The following SGCZ variants were observed in gnomAD, a reference collection of about 807,000 sequenced individuals.
SGCZ encodes sarcoglycan zeta.
SGCZ carries 40 observed loss-of-function variants against 41.3 expected under a neutral mutation model. That is an observed-to-expected ratio of 0.97 (90% confidence interval 0.75 to 1.26). The LOEUF (loss-of-function observed/expected upper bound fraction) is 1.26. SGCZ is among the 50% of genes most tolerant of loss of function. The probability of loss-of-function intolerance (pLI) is 0.00; values close to 1 mark genes in which losing one functional copy is unlikely to be tolerated. For missense variants in SGCZ, 552 were observed against 369.8 expected (o/e 1.49, Z -4.04); for synonymous variants, 206 against 137.5 (o/e 1.50, Z -3.49).
chr8:14,394,344 T>G (rs535728159), intron 2 of SGCZ, among the ~76,000 whole-genome samples: 1 of 151,944 alleles, frequency 6.6e-6, no homozygotes, highest in Non-Finnish European at 1.5e-5. Flanking sequence ...AGAGACTGGG[T>G]TTCACCATGT....
In SGCZ at chr8:14,427,489, G is replaced by C. The variant is rs1585496587; in HGVS notation, c.235-103285C>G. ...TTATCTTTCTCCCGGTATATTTTAG[G>C]GGGGTTCCCACTCCCCACTCGTTGC... is the stretch of plus-strand genomic sequence containing the variant. On this transcript the variant is annotated intron_variant, in intron 2 of 7. Coordinates refer to ENST00000382080, the MANE Select transcript of SGCZ (RefSeq NM_139167.4). Among the ~76,000 whole-genome samples the C allele has an allele frequency of 2.0e-5, 3 of 151,798 alleles. No individual in the cohort carries two copies. The South Asian group carries it at 6.3e-4, about 32-fold the overall frequency.
chr8:14,817,455 A>G (rs1292975300), intron 1 of SGCZ, among the ~76,000 whole-genome samples: 5 of 152,102 alleles, frequency 3.3e-5, no homozygotes, highest in African/African-American at 1.2e-4. Flanking sequence ...AGGAGCCCTT[A>G]CCCTTGCAAC....
chr8:14,443,083 C>T (rs1165937742), intron 2 of SGCZ, among the ~76,000 whole-genome samples: 2 of 152,070 alleles, frequency 1.3e-5, no homozygotes, highest in Admixed American at 6.6e-5. Context: ...AAATAAAATA[C>T]CTAGGAATCC....
intron 5 of SGCZ, among the ~76,000 whole-genome samples, chr8:14,157,909 C>T (rs888764898): frequency 2.4e-4 from 36 of 152,256 alleles, no homozygotes; most frequent in East Asian, 1.7e-3. Flanking sequence ...TGGCCAGGCA[C>T]GGTAGCTCAT....
intron 3 of SGCZ, among the ~76,000 whole-genome samples, chr8:14,291,050 C>G (rs1198941844): frequency 2.0e-5 from 3 of 151,978 alleles, no homozygotes; most frequent in Non-Finnish European, 2.9e-5. Flanking sequence ...CATGGATGAA[C>G]TTGGAGGACA....
chr8:14,185,149 C>T (rs1001858616), intron 4 of SGCZ, among the ~76,000 whole-genome samples: 1 of 152,070 alleles, frequency 6.6e-6, no homozygotes, highest in Non-Finnish European at 1.5e-5. Context: ...CACCTGTAAT[C>T]CCAGCACTTT....
chr8:14,929,502 G>A (rs1426262924), intron 1 of SGCZ, among the ~76,000 whole-genome samples: 1 of 150,828 alleles, frequency 6.6e-6, no homozygotes, highest in East Asian at 1.9e-4. Context: ...AGGTGAACCT[G>A]AGGCTGACGC....
intron 3 of SGCZ, among the ~76,000 whole-genome samples, chr8:14,295,726 C>T (rs932509515): frequency 2.6e-5 from 4 of 152,104 alleles, no homozygotes; most frequent in Non-Finnish European, 5.9e-5. Context: ...GCCTGAGGTA[C>T]TTTCCAAATG....
At chr8:14,495,917 T>C (rs544171910) in intron 2 of SGCZ, among the ~76,000 whole-genome samples, 1 of 152,122 alleles carries the variant, frequency 6.6e-6, no homozygotes, top group Non-Finnish European at 1.5e-5. Flanking sequence ...AGGACATTTG[T>C]TGGATCTAGG....
At chr8:14,605,630 G>T (rs1421443197) in intron 1 of SGCZ, among the ~76,000 whole-genome samples, 1 of 151,978 alleles carries the variant, frequency 6.6e-6, no homozygotes. Context: ...TAATTTTTAG[G>T]TTCCACAAAT....
intron 1 of SGCZ, among the ~76,000 whole-genome samples, chr8:14,832,890 T>G (rs1802579900): frequency 6.6e-6 from 1 of 152,162 alleles, no homozygotes; most frequent in South Asian, 2.1e-4. Context: ...GTAGGTTTTT[T>G]TAACTATAAT....
In SGCZ at chr8:14,337,653, G is replaced by T. The variant is rs980159891; in HGVS notation, c.235-13449C>A. On this transcript the variant is annotated intron_variant, in intron 2 of 7. Transcript: ENST00000382080. Reference sequence around the variant, plus strand: ...TAGATATAGTGGAATGAACATACTGGGTAGGGTCGGAAAACCTACCAAATG... The same window carrying T: ...TAGATATAGTGGAATGAACATACTGTGTAGGGTCGGAAAACCTACCAAATG... 2.0e-5 allele frequency among the ~76,000 whole-genome samples: 3 copies of T among 152,112 alleles called. No homozygotes were observed. In the East Asian group the frequency reaches 5.8e-4, roughly 29 times the overall value.
intron 1 of SGCZ, among the ~76,000 whole-genome samples, chr8:15,185,950 C>T (rs991799742): frequency 2.0e-5 from 3 of 150,752 alleles, no homozygotes; most frequent in East Asian, 2.0e-4. Flanking sequence ...CTCGGCTGGG[C>T]GCGGTGGCTC....
intron 2 of SGCZ, among the ~76,000 whole-genome samples, chr8:14,433,437 T>C (rs575091303): frequency 6.6e-6 from 1 of 152,330 alleles, no homozygotes; most frequent in Admixed American, 6.5e-5. Context: ...AACTAGGTTA[T>C]ATGCAATGCA....
intron 2 of SGCZ, among the ~76,000 whole-genome samples, chr8:14,434,419 C>A (rs1422349008): frequency 2.0e-5 from 3 of 152,110 alleles, no homozygotes; most frequent in Non-Finnish European, 4.4e-5. Flanking sequence ...CAGATTTGTT[C>A]TTTTTGTTTA....
At chr8:15,001,500 C>T (rs1427417522) in intron 1 of SGCZ, among the ~76,000 whole-genome samples, 3 of 152,040 alleles carry the variant, frequency 2.0e-5, no homozygotes, top group African/African-American at 4.8e-5. Flanking sequence ...GAGGCCAAGG[C>T]GGGCGGATCA....
At chr8:15,020,484 T>C (rs541867199) in intron 1 of SGCZ, among the ~76,000 whole-genome samples, 1 of 152,154 alleles carries the variant, frequency 6.6e-6, no homozygotes, top group Non-Finnish European at 1.5e-5. Flanking sequence ...GATGTTCTTA[T>C]GCATACTGTC....
intron 2 of SGCZ, among the ~76,000 whole-genome samples, chr8:14,495,530 G>A (rs1237340009): frequency 6.6e-6 from 1 of 152,142 alleles, no homozygotes; most frequent in African/African-American, 2.4e-5. Context: ...TTTTCAGCAT[G>A]TAGTCATAAT....
intron 2 of SGCZ, among the ~76,000 whole-genome samples, chr8:14,469,892 G>A (rs1317074313): frequency 6.6e-6 from 1 of 152,122 alleles, no homozygotes; most frequent in Non-Finnish European, 1.5e-5. Flanking sequence ...CTTGTCCTGT[G>A]AATTTATCTA....
Sources: gnomAD v4.1 joint callset for allele counts (sites outside exome capture counted in the v4.1 genomes callset) on GRCh38, gnomAD v4.1.1 for gene constraint, MANE v1.5 for transcripts, NCBI Gene and HGNC (gene_info 2026-07-23, HGNC 2026-07-21) for gene names.